The following SLC40A1 variants were observed in gnomAD, a reference collection of about 807,000 sequenced individuals.
SLC40A1 encodes the protein solute carrier family 40 member 1, also known as ferroportin.
Under a neutral mutation model 53.5 loss-of-function variants are expected in SLC40A1, and 16 were observed. The ratio of observed to expected loss-of-function variants is 0.30; its 90% CI spans 0.20 to 0.45. The LOEUF is 0.45. SLC40A1 is among the 20% of genes least tolerant of loss of function. The probability of loss-of-function intolerance (pLI) is 1.00; values close to 1 mark genes in which losing one functional copy is unlikely to be tolerated. For synonymous variants in SLC40A1, 247 were observed against 253.2 expected, an observed-to-expected ratio of 0.98 and a Z score of 0.23; for missense variants, 545 against 695.4, an observed-to-expected ratio of 0.78 and a Z score of 2.43.
chr2:189,565,099 T>A (rs73980218), intron 6 of SLC40A1, among the ~76,000 whole-genome samples: 5,377 of 152,156 alleles, frequency 0.035, 295 homozygotes, highest in African/African-American at 0.12. Flanking sequence ...CAAGTAAAAT[T>A]GAACCTCTAT....
rs780756130 is a variant in SLC40A1 at position 189,564,161 on chromosome 2, C to T, written c.825G>A (p.Glu275=). ...LMGVKDSNIH[E]LEHEQEPTCA... ...AAGTAGGCTCTTGCTCATGTTCAAG[C>T]TCATGGATGTTAGAGTCTTTCACAC... is the stretch of plus-strand genomic sequence containing the variant. Residue 275 remains glutamate, a synonymous_variant, in exon 7 of 8, where the codon GAG becomes GAA. Transcript: ENST00000261024. 8.1e-6 allele frequency: 13 copies of T among 1,613,352 alleles called. No individual in the cohort carries two copies. In the East Asian group the frequency reaches 2.7e-4, roughly 33 times the overall value.
intron 5 of SLC40A1, among the ~76,000 whole-genome samples, 175 bp from the exon 6 acceptor site, chr2:189,565,774 T>A (rs760200621): frequency 6.6e-6 from 1 of 152,202 alleles, no homozygotes; most frequent in African/African-American, 2.4e-5. Flanking sequence ...TTGGGTCAAG[T>A]CCCACTAAAT....
chr2:189,567,754 A>G (rs2030982028), intron 5 of SLC40A1, among the ~76,000 whole-genome samples: 1 of 152,202 alleles, frequency 6.6e-6, no homozygotes, highest in Admixed American at 6.5e-5. Flanking sequence ...ATATATGATA[A>G]CAGGAGAACT....
intron 2 of SLC40A1, 69 bp downstream of exon 2, chr2:189,579,744 C>T (rs570334908): frequency 7.9e-6 from 11 of 1,393,210 alleles, no homozygotes; most frequent in East Asian, 2.3e-5. Context: ...TGGCTTAATA[C>T]AACTGGCTAG....
chr2:189,568,299 T>C (rs897393047), intron 5 of SLC40A1, among the ~76,000 whole-genome samples: 1 of 151,922 alleles, frequency 6.6e-6, no homozygotes, highest in Admixed American at 6.6e-5. Flanking sequence ...CAATCCTGGC[T>C]AACACAGTGA....
chr2:189,580,515 C>T lies in SLC40A1; in HGVS notation c.-55G>A. 1 of 1,610,938 alleles carries T rather than the reference C, an allele frequency of 6.2e-7. No individual in the cohort carries two copies. The highest frequency in any genetic ancestry group is 1.1e-5 in the South Asian group (1 of 91,080). On this transcript the variant is annotated 5_prime_UTR_variant, in exon 1 of 8. Coordinates refer to ENST00000261024, the MANE Select transcript of SLC40A1 (RefSeq NM_014585.6). Reference sequence around the variant, plus strand: ...CGGCTGCTATCGCTGCTGCTGCTCTCGCTGAGGTGCTTGTTAACAGGAGTG... The same window carrying T: ...CGGCTGCTATCGCTGCTGCTGCTCTTGCTGAGGTGCTTGTTAACAGGAGTG...
intron 7 of SLC40A1, 125 bp from the exon 8 acceptor site, chr2:189,562,316 A>C: frequency 5.7e-6 from 4 of 702,588 alleles, no homozygotes; most frequent in Non-Finnish European, 9.6e-6. Flanking sequence ...AAGTCACCTT[A>C]AATATACCAT....
At chr2:189,563,495 A>G in intron 7 of SLC40A1, 89 bp downstream of exon 7, 1 of 1,220,618 alleles carries the variant, frequency 8.2e-7, no homozygotes, top group Non-Finnish European at 1.1e-6. Flanking sequence ...CATTTAGGGA[A>G]CATTTCAGAT....
intron 4 of SLC40A1, 186 bp downstream of exon 4, chr2:189,572,660 C>T (rs2031167031): frequency 1.6e-6 from 1 of 617,170 alleles, no homozygotes; most frequent in African/African-American, 1.9e-5. Context: ...TCAAACAATA[C>T]TTAATGAGTG....
rs2031432034 is a variant in SLC40A1, at chr2:189,580,493, C to T, written c.-33G>A. 1.9e-6 allele frequency: 3 copies of T among 1,612,400 alleles called. No homozygotes were observed. The highest frequency in any genetic ancestry group is 2.2e-5 in the South Asian group (2 of 91,096). Reference sequence around the variant, plus strand: ...GGCGACCCCGCTGGCTCTTCTGCGGCTGCTATCGCTGCTGCTGCTCTCGCT... The same window carrying T: ...GGCGACCCCGCTGGCTCTTCTGCGGTTGCTATCGCTGCTGCTGCTCTCGCT... On this transcript the variant is annotated 5_prime_UTR_variant, in exon 1 of 8. Transcript: ENST00000261024.
chr2:189,563,600 G>A lies in SLC40A1; in HGVS notation c.1386C>T (p.Val462=). The A allele has an allele frequency of 6.2e-7, 1 of 1,613,970 alleles. No individual in the cohort carries two copies. Among genetic ancestry groups the A allele is most frequent in the Non-Finnish European group, 8.5e-7 (1 of 1,179,930 alleles). Residue 462 remains valine, a synonymous_variant, in exon 7 of 8, where the codon GTC becomes GTT. Transcript: ENST00000261024. ...IISVSLLFAG[V]IAARIGLWSF... is the part of the protein sequence containing the mutation. ...ATTTCTTACCGATTCTAGCAGCAAT[G>A]ACGCCTGCAAACAGCAGACTGACAG...
In SLC40A1 at chr2:189,564,489, C is replaced by T. The variant is rs28365783; in HGVS notation, c.761-264G>A. Among the ~76,000 whole-genome samples, 1,321 of 151,810 alleles carry T rather than the reference C, an allele frequency of 8.7e-3. 12 individuals carry two copies. The highest frequency in any genetic ancestry group is 0.068 in the East Asian group (349 of 5,154). ...TCTCTTGCTCTTAGAAATTATACTC[C>T]CACCAAAGTAAACAGCAGGAAAACT... is the stretch of plus-strand genomic sequence containing the variant. On this transcript the variant is annotated intron_variant, in intron 6 of 7. Transcript: ENST00000261024.
intron 6 of SLC40A1, 139 bp from the exon 7 acceptor site, chr2:189,564,364 A>G (rs2030859586): frequency 1.5e-6 from 1 of 657,926 alleles, no homozygotes; most frequent in Admixed American, 2.8e-5. Context: ...ATTTTCTTTT[A>G]CTAATAATCT....
At chr2:189,564,312 C>A in intron 6 of SLC40A1, 87 bp from the exon 7 acceptor site, 1 of 1,158,312 alleles carries the variant, frequency 8.6e-7, no homozygotes, top group Non-Finnish European at 1.3e-6. Context: ...TCCTTCTATT[C>A]CCCTTCCCAA....
chr2:189,572,765 A>G, intron 4 of SLC40A1, 81 bp downstream of exon 4: 1 of 1,022,078 alleles, frequency 9.8e-7, no homozygotes, highest in South Asian at 1.3e-5. Flanking sequence ...CCAAAAAAAA[A>G]AATAGCTTCA....
intron 4 of SLC40A1, 77 bp from the exon 5 acceptor site, chr2:189,571,918 T>A: frequency 2.2e-6 from 2 of 913,406 alleles, no homozygotes; most frequent in Non-Finnish European, 3.7e-6. Context: ...CAAGGCAGTT[T>A]AAAATAGTCT....
intron 5 of SLC40A1, among the ~76,000 whole-genome samples, chr2:189,568,452 G>A (rs1451040063): frequency 2.0e-5 from 3 of 151,838 alleles, no homozygotes; most frequent in Admixed American, 6.6e-5. Flanking sequence ...CTGTGCCACT[G>A]CACTCCAGCC....
At chr2:189,564,852 A>T (rs895834024) in intron 6 of SLC40A1, among the ~76,000 whole-genome samples, 1 of 152,088 alleles carries the variant, frequency 6.6e-6, no homozygotes. Context: ...AAAAACAAAA[A>T]ACAACCAGCA....
intron 3 of SLC40A1, among the ~76,000 whole-genome samples, chr2:189,573,184 A>G (rs946728097): frequency 1.3e-5 from 2 of 152,204 alleles, no homozygotes; most frequent in African/African-American, 4.8e-5. Context: ...ATGAAGTACC[A>G]CAAGTTTCTC....
Sources: gnomAD v4.1 joint callset for allele counts (sites outside exome capture counted in the v4.1 genomes callset) on GRCh38, gnomAD v4.1.1 for gene constraint, MANE v1.5 for transcripts, NCBI Gene and HGNC (gene_info 2026-07-23, HGNC 2026-07-21) for gene names.